Variants in RNLS observed in about 807,000 individuals in gnomAD.
RNLS encodes renalase.
Under a neutral mutation model 39.8 loss-of-function variants are expected in RNLS, and 39 were observed. The ratio of observed to expected loss-of-function variants is 0.98; its 90% CI spans 0.76 to 1.28. The LOEUF is 1.28. RNLS is among the 50% of genes most tolerant of loss of function. The probability of loss-of-function intolerance (pLI) is 0.00; values close to 1 mark genes in which losing one functional copy is unlikely to be tolerated. For synonymous variants in RNLS, 147 were observed against 150.7 expected, an observed-to-expected ratio of 0.98 and a Z score of 0.18; for missense variants, 410 against 413.3, an observed-to-expected ratio of 0.99 and a Z score of 0.07.
intron 4 of RNLS, among the ~76,000 whole-genome samples, chr10:88,510,048 T>A (rs1846026227): frequency 6.6e-6 from 1 of 152,174 alleles, no homozygotes; most frequent in African/African-American, 2.4e-5. Flanking sequence ...ATATGCCTAC[T>A]GAGGCTTTTA....
intron 4 of RNLS, among the ~76,000 whole-genome samples, chr10:88,553,149 G>A (rs550804028): frequency 3.9e-5 from 6 of 152,154 alleles, no homozygotes; most frequent in Admixed American, 6.6e-5. Flanking sequence ...CTTAAGCAAT[G>A]GATGGAGTTC....
At position 88,310,824 on chromosome 10, in the gene RNLS, A is replaced by AAAAAAAAAAAAAAG. The variant is rs1217903555; in HGVS notation, c.876+3641_876+3642insCTTTTTTTTTTTTT. On this transcript the variant is annotated intron_variant, in intron 6 of 6. Coordinates refer to ENST00000331772, the MANE Select transcript of RNLS (RefSeq NM_001031709.3). ...GCCAAAAAAAAAAAAAAAAAAAAAA[A>AAAAAAAAAAAAAAG]AAAGAAAGAAAAGGAAGAGAAAAGG... is the stretch of plus-strand genomic sequence containing the variant. Among the ~76,000 whole-genome samples, 122 of 113,256 alleles carry AAAAAAAAAAAAAAG rather than the reference A, an allele frequency of 1.1e-3. 2 individuals carry two copies. The highest frequency in any genetic ancestry group is 1.9e-3 in the South Asian group (6 of 3,084). 74.3% of individuals were successfully genotyped at this position (113,256 alleles called of 152,430 possible). A position where few individuals can be genotyped will look rare whatever the true frequency, so the allele number is the denominator to read the frequency against.
chr10:88,278,362 A>G (rs1842887752), intron 6 of RNLS, among the ~76,000 whole-genome samples: 1 of 152,332 alleles, frequency 6.6e-6, no homozygotes, highest in Middle Eastern at 3.4e-3. Flanking sequence ...ATATGGTGCA[A>G]GTTTGAGGTT....
At position 88,554,356 on chromosome 10, in the gene RNLS, A is replaced by C. The variant is rs1379791931; in HGVS notation, c.526+18547T>G. Among the ~76,000 whole-genome samples, 3 of 152,128 alleles carry C rather than the reference A, an allele frequency of 2.0e-5. No homozygotes were observed. The East Asian group carries it at 5.8e-4, about 29-fold the overall frequency. ...TTTGATTCATTTATTCATTCACTCA[A>C]ATATTTAAAGTATGTAATGTGCTTA... On this transcript the variant is annotated intron_variant, in intron 4 of 6. Coordinates refer to ENST00000331772, the MANE Select transcript of RNLS (RefSeq NM_001031709.3).
At chr10:88,204,076 G>A in the RNLS span, among the ~76,000 whole-genome samples, 1 of 152,112 alleles carries the variant, frequency 6.6e-6, no homozygotes. Flanking sequence ...GTGAGATAGT[G>A]ATTTGAACCC....
At chr10:88,545,936 C>G (rs1848283812) in intron 4 of RNLS, among the ~76,000 whole-genome samples, 1 of 151,730 alleles carries the variant, frequency 6.6e-6, no homozygotes, top group African/African-American at 2.4e-5. Flanking sequence ...TAACAATTAG[C>G]TAAGAAAATC....
At chr10:88,453,213 C>G (rs905533208) in intron 4 of RNLS, among the ~76,000 whole-genome samples, 1 of 152,222 alleles carries the variant, frequency 6.6e-6, no homozygotes, top group Non-Finnish European at 1.5e-5. Flanking sequence ...ATTTCTACCT[C>G]CAAAACTATA....
At chr10:88,511,883 T>C (rs1425393714) in intron 4 of RNLS, among the ~76,000 whole-genome samples, 2 of 152,198 alleles carry the variant, frequency 1.3e-5, no homozygotes, top group African/African-American at 4.8e-5. Context: ...TTATTGGCCA[T>C]TAATAACTCT....
chr10:88,211,839 C>T, the RNLS span, among the ~76,000 whole-genome samples: 2 of 152,164 alleles, frequency 1.3e-5, no homozygotes, highest in African/African-American at 4.8e-5. Context: ...ATAAGATTTG[C>T]CTTTTTAAAA....
intron 4 of RNLS, among the ~76,000 whole-genome samples, chr10:88,513,649 T>C (rs58424396): frequency 0.014 from 2,177 of 152,272 alleles, 50 homozygotes; most frequent in African/African-American, 0.05. Flanking sequence ...TGTTAAACTT[T>C]TGTCATTACA....
chr10:88,299,609 A>G (rs1361364313), intron 6 of RNLS, among the ~76,000 whole-genome samples: 2 of 152,208 alleles, frequency 1.3e-5, no homozygotes, highest in Non-Finnish European at 2.9e-5. Flanking sequence ...TGCGCAATAG[A>G]GCAAGACTCC....
chr10:88,444,173 T>C (rs1360555151), intron 4 of RNLS, among the ~76,000 whole-genome samples: 4 of 152,238 alleles, frequency 2.6e-5, no homozygotes, highest in Non-Finnish European at 5.9e-5. Context: ...CAATATTCGC[T>C]GTTCTGCAGC....
At chr10:88,237,202 T>C in the RNLS span, among the ~76,000 whole-genome samples, 4 of 152,098 alleles carry the variant, frequency 2.6e-5, no homozygotes, top group Admixed American at 6.5e-5. Context: ...TCAAATTTTA[T>C]ATGTAGACAC....
At chr10:88,338,239 G>A (rs1847655147) in intron 5 of RNLS, among the ~76,000 whole-genome samples, 1 of 152,184 alleles carries the variant, frequency 6.6e-6, no homozygotes. Flanking sequence ...CCAAAATGAT[G>A]GAAACGCTTC....
chr10:88,362,754 A>G (rs754906171), intron 4 of RNLS, 29 bp from the exon 5 acceptor site: 1 of 1,599,952 alleles, frequency 6.3e-7, no homozygotes, highest in East Asian at 2.2e-5. Flanking sequence ...AAGGCATCAA[A>G]CTTAAAAATA....
the RNLS span, among the ~76,000 whole-genome samples, chr10:88,254,386 G>T: frequency 6.6e-6 from 1 of 152,216 alleles, no homozygotes. Context: ...ACTTGTGTTG[G>T]TTTCTTTTTG....
At chr10:88,303,002 C>T (rs1290851014) in intron 6 of RNLS, among the ~76,000 whole-genome samples, 2 of 152,162 alleles carry the variant, frequency 1.3e-5, no homozygotes, top group Non-Finnish European at 2.9e-5. Context: ...GACACAGAAG[C>T]TGTACTAAAG....
chr10:88,550,364 T>C (rs1284966543), intron 4 of RNLS, among the ~76,000 whole-genome samples: 1 of 152,146 alleles, frequency 6.6e-6, no homozygotes, highest in African/African-American at 2.4e-5. Context: ...CACAGAAGAG[T>C]ACAAATTGAG....
At chr10:88,385,281 T>C (rs1441943071) in intron 4 of RNLS, among the ~76,000 whole-genome samples, 1 of 152,240 alleles carries the variant, frequency 6.6e-6, no homozygotes, top group Non-Finnish European at 1.5e-5. Flanking sequence ...GTACATCCAG[T>C]CAAATTTGAA....
Sources: allele counts gnomAD v4.1 joint callset (sites outside exome capture counted in the v4.1 genomes callset), GRCh38; gene constraint gnomAD v4.1.1; transcripts MANE v1.5; gene names NCBI Gene and HGNC (gene_info 2026-07-23, HGNC 2026-07-21).